RBM27: variants seen among roughly 807,000 people sequenced by gnomAD.
RBM27 encodes RNA-binding protein 27.
A neutral mutation model predicts 135.3 loss-of-function variants in RBM27; 22 were observed. That is an observed-to-expected ratio of 0.16 (90% confidence interval 0.12 to 0.23). The LOEUF (loss-of-function observed/expected upper bound fraction) is 0.23. RBM27 is among the 10% of genes least tolerant of loss of function. RBM27 has a pLI of 1.00. For synonymous variants in RBM27, 481 were observed against 442.4 expected (o/e 1.09, Z -1.10); for missense variants, 1,009 against 1,281.0 (o/e 0.79, Z 3.24).
At chr5:146,245,909 A>G (rs1454263909) in intron 8 of RBM27, among the ~76,000 whole-genome samples, 2 of 152,210 alleles carry the variant, frequency 1.3e-5, no homozygotes, top group East Asian at 3.8e-4. Flanking sequence ...CCTAGTGTCA[A>G]AAAGCTTGGG....
At chr5:146,248,986 A>T (rs1184430401) in intron 8 of RBM27, among the ~76,000 whole-genome samples, 1 of 151,666 alleles carries the variant, frequency 6.6e-6, no homozygotes, top group Non-Finnish European at 1.5e-5. Flanking sequence ...TTTTTAATTA[A>T]TTTTTTTTCT....
chr5:146,218,263 G>A (rs1234812157), intron 1 of RBM27, among the ~76,000 whole-genome samples: 1 of 152,152 alleles, frequency 6.6e-6, no homozygotes, highest in Non-Finnish European at 1.5e-5. Flanking sequence ...AGGATTATGA[G>A]CTGTCCTGGA....
At chr5:146,278,962 C>A (rs1212531237) in intron 19 of RBM27, among the ~76,000 whole-genome samples, 1 of 151,704 alleles carries the variant, frequency 6.6e-6, no homozygotes, top group Non-Finnish European at 1.5e-5. Context: ...ACCTCGTGAT[C>A]TGCCCGCCTC....
At chr5:146,282,676 G>A (rs1759413521) in intron 19 of RBM27, among the ~76,000 whole-genome samples, 1 of 151,926 alleles carries the variant, frequency 6.6e-6, no homozygotes, top group African/African-American at 2.4e-5. Context: ...ACTATTTTAT[G>A]TAAATGACTT....
chr5:146,248,929 G>T (rs1757756971), intron 8 of RBM27, among the ~76,000 whole-genome samples: 1 of 152,084 alleles, frequency 6.6e-6, no homozygotes, highest in Admixed American at 6.6e-5. Flanking sequence ...TAGTCATATG[G>T]ACTAAGATTG....
At chr5:146,260,646 G>A in intron 11 of RBM27, 99 bp from the exon 12 acceptor site, 1 of 983,292 alleles carries the variant, frequency 1.0e-6, no homozygotes, top group Non-Finnish European at 1.5e-6. Flanking sequence ...GCCACAAAAG[G>A]CACTTAAAAA....
intron 2 of RBM27, among the ~76,000 whole-genome samples, chr5:146,220,542 GAAT>G (rs1756414585): frequency 6.6e-6 from 1 of 150,516 alleles, no homozygotes; most frequent in Non-Finnish European, 1.5e-5. Context: ...ATAGGAATGT[GAAT>G]AATACACATT....
At position 146,211,464 on chromosome 5, in the gene RBM27, C is replaced by CTTTTTTTTTTTTTTTT. The variant is rs57117642; in HGVS notation, c.60-7506_60-7491dup. 2.4e-4 allele frequency among the ~76,000 whole-genome samples: 12 copies of CTTTTTTTTTTTTTTTT among 49,928 alleles called. 1 individual carries two copies. The highest frequency in any genetic ancestry group is 7.8e-4 in the Admixed American group (2 of 2,574). 32.8% of individuals were successfully genotyped at this position (49,928 alleles called of 152,430 possible). A position where few individuals can be genotyped will look rare whatever the true frequency, so the allele number is the denominator to read the frequency against. On this transcript the variant is annotated intron_variant, in intron 1 of 20. Transcript: ENST00000265271. ...CTTACTTTGTCCAGTATGGTCTTATCTTTTTTTTTTTTTTTTTTTTTTTTT... is the reference window on the plus strand; with the variant it reads ...CTTACTTTGTCCAGTATGGTCTTATCTTTTTTTTTTTTTTTTTTTTTTTTTTTTTTTTTTTTTTTTT...
chr5:146,245,443 A>G (rs1036734776), intron 8 of RBM27, among the ~76,000 whole-genome samples: 2 of 152,232 alleles, frequency 1.3e-5, no homozygotes, highest in Admixed American at 6.5e-5. Context: ...TAAGAGTAGC[A>G]GGTAACATCC....
At chr5:146,213,892 T>C (rs990992104) in intron 1 of RBM27, among the ~76,000 whole-genome samples, 2 of 152,248 alleles carry the variant, frequency 1.3e-5, no homozygotes, top group Non-Finnish European at 2.9e-5. Flanking sequence ...AAAACATAAT[T>C]GAAGCATGTT....
At chr5:146,262,362 C>T (rs1179820756) in intron 13 of RBM27, among the ~76,000 whole-genome samples, 2 of 152,094 alleles carry the variant, frequency 1.3e-5, no homozygotes, top group Non-Finnish European at 2.9e-5. Context: ...GTTATATGTT[C>T]CTTCTAAAAA....
chr5:146,207,479 C>G (rs1256070446), intron 1 of RBM27, among the ~76,000 whole-genome samples: 1 of 151,830 alleles, frequency 6.6e-6, no homozygotes, highest in Admixed American at 6.6e-5. Context: ...TTCCAAAGTG[C>G]TGGGATTACA....
chr5:146,238,483 G>T (rs1467835550), intron 8 of RBM27, among the ~76,000 whole-genome samples: 1 of 152,144 alleles, frequency 6.6e-6, no homozygotes, highest in Non-Finnish European at 1.5e-5. Flanking sequence ...ACTCCCGCCT[G>T]GGTGACAGAG....
chr5:146,261,917 T>C, intron 13 of RBM27, 111 bp downstream of exon 13: 1 of 1,074,370 alleles, frequency 9.3e-7, no homozygotes, highest in Non-Finnish European at 1.3e-6. Context: ...TAATTTGAAC[T>C]GCAGACCAGT....
At position 146,233,670 on chromosome 5, in the gene RBM27, T is replaced by A. The variant is rs757458511; in HGVS notation, c.1071T>A (p.Pro357=). 1 of 1,551,124 alleles carries A rather than the reference T, an allele frequency of 6.4e-7. No individual in the cohort carries two copies. The highest frequency in any genetic ancestry group is 8.6e-7 in the Non-Finnish European group (1 of 1,158,994). ...PGPGPGPGPG[P]GHSMRLPVPQ... is the part of the protein sequence containing the mutation. ...CAGGCCCGGGCCCAGGTCCAGGTCC[T>A]GGCCATAGTATGAGACTTCCTGTTC... Residue 357 remains proline, a synonymous_variant, in exon 7 of 21, where the codon CCT becomes CCA. Transcript: ENST00000265271.
At position 146,203,620 on chromosome 5, in the gene RBM27, C is replaced by G. The variant is rs113345983; in HGVS notation, c.-146C>G. 2.1e-5 allele frequency: 15 copies of G among 712,894 alleles called. No homozygotes were observed. The highest frequency in any genetic ancestry group is 4.7e-6 in the Non-Finnish European group (2 of 421,898). 44.2% of individuals were successfully genotyped at this position (712,894 alleles called of 1,614,324 possible). On this transcript the variant is annotated 5_prime_UTR_variant, in exon 1 of 21. Coordinates refer to ENST00000265271, the MANE Select transcript of RBM27 (RefSeq NM_018989.2). ...CTCTTGGGTTAGTTCCTGTTAGGCC[C>G]CGGCCGGGGGAGTAGGTTGAAGTCT... is the stretch of plus-strand genomic sequence containing the variant.
intron 3 of RBM27, among the ~76,000 whole-genome samples, chr5:146,225,667 G>A (rs1275632814): frequency 3.3e-5 from 5 of 151,316 alleles, no homozygotes; most frequent in African/African-American, 1.2e-4. Context: ...CTGGGTTCAA[G>A]CGATTCTCCT....
intron 8 of RBM27, among the ~76,000 whole-genome samples, chr5:146,247,740 G>A (rs986506857): frequency 7.9e-5 from 12 of 152,182 alleles, no homozygotes; most frequent in African/African-American, 2.4e-4. Context: ...TATAGATGGC[G>A]TTATGTACTT....
intron 6 of RBM27, among the ~76,000 whole-genome samples, 192 bp downstream of exon 6, chr5:146,231,109 T>G (rs1756909977): frequency 6.6e-6 from 1 of 151,714 alleles, no homozygotes; most frequent in Admixed American, 6.6e-5. Flanking sequence ...GCAACCTCCA[T>G]CTCCCGGGTT....
Sources: gnomAD v4.1 joint callset for allele counts (sites outside exome capture counted in the v4.1 genomes callset) on GRCh38, gnomAD v4.1.1 for gene constraint, MANE v1.5 for transcripts, NCBI Gene and HGNC (gene_info 2026-07-23, HGNC 2026-07-21) for gene names.